MBD3: variants seen among roughly 807,000 people sequenced by gnomAD.
MBD3 encodes methyl-CpG binding domain protein 3, also known as methyl-CpG-binding domain protein 3.
A neutral mutation model predicts 31.2 loss-of-function variants in MBD3; 13 were observed. The ratio of observed to expected loss-of-function variants is 0.42; its 90% CI spans 0.27 to 0.66. The LOEUF (loss-of-function observed/expected upper bound fraction) is 0.66. Ranked by LOEUF, MBD3 falls within the 30% of genes least tolerant of loss-of-function variation. The pLI is 0.26. For missense variants in MBD3, 440 were observed against 426.5 expected, an observed-to-expected ratio of 1.03 and a Z score of -0.28; for synonymous variants, 223 against 187.4, an observed-to-expected ratio of 1.19 and a Z score of -1.55.
chr19:1,579,109 G>A (rs1003068360), intron 5 of MBD3, among the ~76,000 whole-genome samples: 3 of 148,940 alleles, frequency 2.0e-5, no homozygotes, highest in Admixed American at 6.8e-5. Flanking sequence ...ACTTGAACCC[G>A]GGAGGCGGAG....
In MBD3 at chr19:1,576,157, G is replaced by C. The variant is rs1439725387; in HGVS notation, c.*2007C>G. The C allele has an allele frequency of 6.6e-6, 1 of 152,586 alleles. No individual in the cohort carries two copies. Among genetic ancestry groups the C allele is most frequent in the African/African-American group, 2.4e-5 (1 of 41,452 alleles). 9.5% of individuals were successfully genotyped at this position (152,586 alleles called of 1,614,324 possible). A position where few individuals can be genotyped will look rare whatever the true frequency, so the allele number is the denominator to read the frequency against. ...CAAGGGAGACAGGGACACAGTGGGA[G>C]ATGGGAAGAGGGAAACAGAGTGTCT... On this transcript the variant is annotated 3_prime_UTR_variant, in exon 7 of 7. Coordinates refer to ENST00000434436, the MANE Select transcript of MBD3 (RefSeq NM_001281453.2).
At chr19:1,591,961 C>G (rs1427618958) in intron 1 of MBD3, 1 of 152,182 alleles carries the variant, frequency 6.6e-6, no homozygotes, top group Non-Finnish European at 1.5e-5. Flanking sequence ...GACCAGAGGC[C>G]TCGGAAGGAG....
At chr19:1,588,705 G>A (rs924354438) in intron 1 of MBD3, among the ~76,000 whole-genome samples, 1 of 151,094 alleles carries the variant, frequency 6.6e-6, no homozygotes, top group Non-Finnish European at 1.5e-5. Flanking sequence ...GTTGAACCCA[G>A]GAGGCAGAGG....
chr19:1,581,610 C>T (rs560951029), intron 4 of MBD3: 20 of 386,442 alleles, frequency 5.2e-5, no homozygotes, highest in East Asian at 3.1e-4. Flanking sequence ...CCAGGTGTCA[C>T]GCTGCATACC....
rs982880217 is a variant in MBD3, at chr19:1,575,284, G to A, written c.*2880C>T. 6.9e-6 allele frequency: 3 copies of A among 437,560 alleles called. No individual in the cohort carries two copies. The highest frequency in any genetic ancestry group is 9.4e-6 in the Non-Finnish European group (2 of 213,492). The allele number at this position is 437,560 out of a possible 1,614,324, so 27.1% of individuals were successfully genotyped here. On this transcript the variant is annotated 3_prime_UTR_variant, in exon 7 of 7. Transcript: ENST00000434436. Reference sequence around the variant, plus strand: ...GTCTCTATTAAAAATACAAAAATTAGCTGGGCGTGGTGGCTACTCGGGAGG... The same window carrying A: ...GTCTCTATTAAAAATACAAAAATTAACTGGGCGTGGTGGCTACTCGGGAGG...
Position 1,582,609 on chromosome 19 carries a change from G to C in MBD3, c.499+13C>G, listed in dbSNP as rs377213590. 6 of 1,612,666 alleles carry C rather than the reference G, an allele frequency of 3.7e-6. No individual in the cohort carries two copies. In the African/African-American group the frequency reaches 6.7e-5, roughly 18 times the overall value. On this transcript the variant is annotated intron_variant, in intron 4 of 6. Transcript: ENST00000434436. ...CACATCCCCTTCCGCCTCCCCTCAG[G>C]GTGCCCGCTCACCCTGCAGGCCCTT... is the stretch of plus-strand genomic sequence containing the variant.
intron 4 of MBD3, among the ~76,000 whole-genome samples, chr19:1,581,936 T>G (rs1342110058): frequency 6.6e-6 from 1 of 151,812 alleles, no homozygotes; most frequent in East Asian, 1.9e-4. Context: ...CCCGGCTAAT[T>G]TTTTGTATTT....
At chr19:1,586,689 T>A (rs1263960410) in intron 1 of MBD3, among the ~76,000 whole-genome samples, 1 of 93,034 alleles carries the variant, frequency 1.1e-5, no homozygotes, top group Non-Finnish European at 2.3e-5. Context: ...TTTTTTGAGA[T>A]GGAGTCTCAC....
chr19:1,592,815 C>G lies in MBD3; in HGVS notation c.-184G>C, dbSNP rs1293735179. On this transcript the variant is annotated 5_prime_UTR_variant, in exon 1 of 7. Coordinates refer to ENST00000434436, the MANE Select transcript of MBD3 (RefSeq NM_001281453.2). ...GCGCCGGCTTTGCCGCCCTTTCGGC[C>G]CCCTCCCCGCGCTCGCCAGCCCCCG... is the stretch of plus-strand genomic sequence containing the variant. The G allele has an allele frequency of 6.8e-6, 1 of 147,114 alleles. No individual in the cohort carries two copies. Among genetic ancestry groups the G allele is most frequent in the Non-Finnish European group, 1.5e-5 (1 of 66,070 alleles). 9.1% of individuals were successfully genotyped at this position (147,114 alleles called of 1,614,324 possible).
chr19:1,591,698 G>A (rs1166940458), intron 1 of MBD3, among the ~76,000 whole-genome samples: 89 of 139,144 alleles, frequency 6.4e-4, no homozygotes, highest in African/African-American at 1.8e-3. Flanking sequence ...CCCGAGCCAG[G>A]AAAAAAAAAA....
intron 1 of MBD3, among the ~76,000 whole-genome samples, chr19:1,591,412 C>A (rs576687876): frequency 6.6e-6 from 1 of 152,342 alleles, no homozygotes; most frequent in South Asian, 2.1e-4. Context: ...CCGGGACAGT[C>A]AAGAACCACA....
intron 1 of MBD3, among the ~76,000 whole-genome samples, chr19:1,588,024 C>A (rs1341253493): frequency 6.6e-6 from 1 of 152,252 alleles, no homozygotes; most frequent in East Asian, 1.9e-4. Flanking sequence ...ATTCTGCAGG[C>A]ACTGCACAGA....
At position 1,592,553 on chromosome 19, in the gene MBD3, A is replaced by G; in HGVS notation, c.79T>C (p.Ser27Pro). Residue 27 changes from serine (S) to proline (P), a missense_variant, in exon 1 of 7, where the codon TCG (serine) becomes CCG (proline). Physicochemically the swap from Ser to Pro is moderately conservative, Grantham distance 74 (BLOSUM62 -1). Coordinates refer to ENST00000434436, the MANE Select transcript of MBD3 (RefSeq NM_001281453.2). ...TAAAAGACATCCCTGTGGCCGGCCGACAGCCCCGACCTTCTGGGCACTTCT... is the reference window on the plus strand; with the variant it reads ...TAAAAGACATCCCTGTGGCCGGCCGGCAGCCCCGACCTTCTGGGCACTTCT... ...REEVPRRSGLSAGHRDVFYYS... is the reference protein window; with the variant it reads ...REEVPRRSGLPAGHRDVFYYS... The G allele has an allele frequency of 6.9e-7, 1 of 1,440,842 alleles. No homozygotes were observed. The highest frequency in any genetic ancestry group is 3.4e-5 in the East Asian group (1 of 29,146). 89.3% of individuals were successfully genotyped at this position (1,440,842 alleles called of 1,614,324 possible).
At position 1,578,672 on chromosome 19, in the gene MBD3, C is replaced by T. The variant is rs368645489; in HGVS notation, c.678-134G>A. 1 of 1,536,096 alleles carries T rather than the reference C, an allele frequency of 6.5e-7. No individual in the cohort carries two copies. Among genetic ancestry groups the T allele is most frequent in the Non-Finnish European group, 8.9e-7 (1 of 1,127,332 alleles). ...GGCACCCCCCCAGGACCAGCCCTGGCCCGTGCCACCCCTCCCTTCACAATC... is the reference window on the plus strand; with the variant it reads ...GGCACCCCCCCAGGACCAGCCCTGGTCCGTGCCACCCCTCCCTTCACAATC... On this transcript the variant is annotated intron_variant, in intron 5 of 6. Transcript: ENST00000434436. This position sits in a 1 kb window ranked among gnomAD's most constrained non-coding sequence, Gnocchi z 6.1.
intron 1 of MBD3, among the ~76,000 whole-genome samples, chr19:1,588,216 G>A (rs1255364798): frequency 6.6e-6 from 1 of 152,212 alleles, no homozygotes; most frequent in Non-Finnish European, 1.5e-5. Flanking sequence ...GCCTCAGGGA[G>A]GGCACGAGGA....
Position 1,585,294 on chromosome 19 carries a change from G to C in MBD3, c.111-80C>G, listed in dbSNP as rs2060674008. 6.8e-7 allele frequency: 1 copy of C among 1,476,774 alleles called. No individual in the cohort carries two copies. The highest frequency in any genetic ancestry group is 9.1e-7 in the Non-Finnish European group (1 of 1,100,806). The allele number at this position is 1,476,774 out of a possible 1,614,324, so 91.5% of individuals were successfully genotyped here. A position where few individuals can be genotyped will look rare whatever the true frequency, so the allele number is the denominator to read the frequency against. ...GGCCTCGGCCGCAGACCCAAACCCA[G>C]TCCCAGCCCCAGCTTCAGGTCGCGA... On this transcript the variant is annotated intron_variant, in intron 1 of 6. Coordinates refer to ENST00000434436, the MANE Select transcript of MBD3 (RefSeq NM_001281453.2). The surrounding 1 kb of genome is among the most constrained non-coding windows in gnomAD (Gnocchi z 4.1).
At chr19:1,592,392 AGACGCACGCACGCACGCAC>A (rs1408608216) in intron 1 of MBD3, 111 bp downstream of exon 1, 12 of 214,414 alleles carry the variant, frequency 5.6e-5, no homozygotes, top group Admixed American at 3.1e-4. Flanking sequence ...CACGCACGCA[AGACGCACGCACGCACGCAC>A]GACGCACGCG....
chr19:1,581,392 T>TG, intron 4 of MBD3, 123 bp from the exon 5 acceptor site: 5 of 980,938 alleles, frequency 5.1e-6, no homozygotes, highest in Non-Finnish European at 7.8e-6. Context: ...AACCCCAACT[T>TG]GGGTTCCATT....
At position 1,577,735 on chromosome 19, in the gene MBD3, TGA is replaced by T. The variant is rs1289477936; in HGVS notation, c.*427_*428del. On this transcript the variant is annotated 3_prime_UTR_variant, in exon 7 of 7. Transcript: ENST00000434436. ...TCCTCACGCTGCACAGTGGGTGATG[TGA>T]GTTTCAAAACTACGCCTCCAGACCG... 1.2e-5 allele frequency: 2 copies of T among 164,944 alleles called. No homozygotes were observed. Among genetic ancestry groups the T allele is most frequent in the African/African-American group, 4.8e-5 (2 of 41,480 alleles). The allele number at this position is 164,944 out of a possible 1,614,324, so 10.2% of individuals were successfully genotyped here. A position where few individuals can be genotyped will look rare whatever the true frequency, so the allele number is the denominator to read the frequency against.
Sources: allele counts gnomAD v4.1 joint callset (sites outside exome capture counted in the v4.1 genomes callset), GRCh38; gene constraint gnomAD v4.1.1; non-coding constraint Gnocchi (gnomAD v3.1); transcripts MANE v1.5; gene names NCBI Gene and HGNC (gene_info 2026-07-23, HGNC 2026-07-21).